The following TJP3 variants were observed in gnomAD, a reference collection of about 807,000 sequenced individuals.
TJP3 encodes the protein tight junction protein ZO-3.
TJP3 carries 85 observed loss-of-function variants against 104.2 expected under a neutral mutation model. The observed-to-expected ratio is 0.82, with a 90% CI of 0.68 to 0.98. TJP3 has a LOEUF of 0.98. TJP3 is among the 50% of genes least tolerant of loss of function. TJP3 has a pLI of 0.00. For missense variants in TJP3, 1,367 were observed against 1,322.8 expected (o/e 1.03, Z -0.52); for synonymous variants, 550 against 550.6 (o/e 1.00, Z 0.02).
At position 3,736,208 on chromosome 19, in the gene TJP3, A is replaced by G. The variant is rs149323251; in HGVS notation, c.1171A>G (p.Ser391Gly). 1.0e-5 allele frequency: 16 copies of G among 1,597,644 alleles called. No individual in the cohort carries two copies. Among genetic ancestry groups the G allele is most frequent in the Non-Finnish European group, 1.4e-5 (16 of 1,172,004 alleles). Residue 391 changes from serine to glycine, a missense_variant, in exon 11 of 21, where the codon AGC becomes GGC. By Grantham distance (56) the Ser-to-Gly change is moderately conservative. Coordinates refer to ENST00000541714, the MANE Select transcript of TJP3 (RefSeq NM_001267560.2). Reference sequence around the variant, plus strand: ...TGTGGTCCGCTTCCTCAAGGGCAAGAGCATCGGGCTGCGGCTGGCAGGGGG... The same window carrying G: ...TGTGGTCCGCTTCCTCAAGGGCAAGGGCATCGGGCTGCGGCTGGCAGGGGG... ...TRVVRFLKGK[S>G]IGLRLAGGND...
At chr19:3,749,735 T>C (rs1599167717) in intron 19 of TJP3, 1 of 227,156 alleles carries the variant, frequency 4.4e-6, no homozygotes, top group East Asian at 1.2e-4. Flanking sequence ...TAGGTCAATG[T>C]AAAAATCTAT....
intron 8 of TJP3, among the ~76,000 whole-genome samples, chr19:3,735,198 T>C (rs540504086): frequency 6.6e-6 from 1 of 152,022 alleles, no homozygotes; most frequent in Admixed American, 6.6e-5. Context: ...ATTTTGTTTA[T>C]TTATTTATTT....
chr19:3,714,716 C>T (rs1156977383), intron 1 of TJP3, among the ~76,000 whole-genome samples: 3 of 152,068 alleles, frequency 2.0e-5, no homozygotes, highest in Non-Finnish European at 2.9e-5. Context: ...ACCATCCTGG[C>T]CCTGATCCAC....
In TJP3 at chr19:3,741,292, C is replaced by T. The variant is rs183720038; in HGVS notation, c.1843+529C>T. ...CTGAGATTACAGGCGTGAGCCACCA[C>T]GCCCGGCCTCTACATCAAATTTAAA... On this transcript the variant is annotated intron_variant, in intron 14 of 20. Coordinates refer to ENST00000541714, the MANE Select transcript of TJP3 (RefSeq NM_001267560.2). Among the ~76,000 whole-genome samples the T allele has an allele frequency of 2.3e-3, 353 of 152,270 alleles. 3 individuals carry two copies. The highest frequency in any genetic ancestry group is 8.2e-3 in the African/African-American group (341 of 41,556).
intron 1 of TJP3, among the ~76,000 whole-genome samples, chr19:3,709,902 C>G (rs2036417890): frequency 6.6e-6 from 1 of 152,084 alleles, no homozygotes; most frequent in Non-Finnish European, 1.5e-5. Flanking sequence ...GTAATCCCAG[C>G]ACTTTGGGAG....
intron 15 of TJP3, 117 bp downstream of exon 15, chr19:3,744,151 C>A: frequency 2.3e-6 from 2 of 872,916 alleles, no homozygotes; most frequent in Admixed American, 2.1e-5. Flanking sequence ...GATGGGCCAC[C>A]AGTGCCCCCC....
chr19:3,739,506 G>T lies in TJP3; in HGVS notation c.1631+372G>T, dbSNP rs141777192. On this transcript the variant is annotated intron_variant, in intron 13 of 20. Transcript: ENST00000541714. ...TCTTGTCTCAATAAATAAATAAATAGGCATGATATCACTGCTTAGCAGTGT... is the reference window on the plus strand; with the variant it reads ...TCTTGTCTCAATAAATAAATAAATATGCATGATATCACTGCTTAGCAGTGT... 2.1e-3 allele frequency among the ~76,000 whole-genome samples: 324 copies of T among 152,228 alleles called. 3 individuals are homozygous for T. The highest frequency in any genetic ancestry group is 3.1e-3 in the Admixed American group (47 of 15,272).
chr19:3,727,601 AG>A (rs2036613998), intron 1 of TJP3, among the ~76,000 whole-genome samples: 1 of 152,104 alleles, frequency 6.6e-6, no homozygotes. Context: ...GCTGCAACTC[AG>A]GCGCTGTTCT....
At chr19:3,738,718 G>T (rs1337738890) in intron 12 of TJP3, 55 bp downstream of exon 12, 3 of 1,495,598 alleles carry the variant, frequency 2.0e-6, no homozygotes, top group Non-Finnish European at 2.8e-6. Context: ...GGACCTGGCT[G>T]TGTGGCCTGG....
At position 3,746,701 on chromosome 19, in the gene TJP3, G is replaced by T; in HGVS notation, c.2221+6G>T. 1 of 1,608,880 alleles carries T rather than the reference G, an allele frequency of 6.2e-7. No individual in the cohort carries two copies. Among genetic ancestry groups the T allele is most frequent in the Non-Finnish European group, 8.5e-7 (1 of 1,177,730 alleles). On this transcript the variant is annotated splice_donor_region_variant and intron_variant, in intron 17 of 20. Transcript: ENST00000541714. The surrounding 1 kb of genome is among the most constrained non-coding windows in gnomAD (Gnocchi z 4.1). ...CAGCAGCCACCTCTTCACAGGTTGG[G>T]GGGTGGGTGTCCCAGGGTAGGCGGG...
Position 3,730,512 on chromosome 19 carries a change from G to T in TJP3, c.419G>T (p.Arg140Leu). 6.3e-7 allele frequency: 1 copy of T among 1,589,874 alleles called. No individual in the cohort carries two copies. The part of the protein sequence containing the change: ...YDGDSSSGSG[R>L]SWDERSRRPR... ...GGCGACTCATCCAGTGGCTCCGGCC[G>T]CTCCTGGGACGAGCGCTCCCGCCGG... The change falls in exon 5 of 21, where the codon CGC (arginine) becomes CTC (leucine). Residue 140 changes from arginine to leucine, a missense_variant. Arg to Leu is a moderately radical substitution (Grantham distance 102). Transcript: ENST00000541714. The surrounding 1 kb of genome is among the most constrained non-coding windows in gnomAD (Gnocchi z 7.3).
chr19:3,747,560 CTT>C (rs1377978552), intron 18 of TJP3, among the ~76,000 whole-genome samples: 1 of 152,196 alleles, frequency 6.6e-6, no homozygotes, highest in Non-Finnish European at 1.5e-5. Flanking sequence ...GGAGTCTTCT[CTT>C]GGGGCTGGAG....
Position 3,738,672 on chromosome 19 carries a change from G to T in TJP3, c.1393+9G>T, listed in dbSNP as rs762221045. ...GCAGAGGAAGCAGGACAGTGAGTGC[G>T]CGTGGATATGGGTGTGCCTGTGTGT... On this transcript the variant is annotated intron_variant, in intron 12 of 20. Coordinates refer to ENST00000541714, the MANE Select transcript of TJP3 (RefSeq NM_001267560.2). 7 of 1,609,110 alleles carry T rather than the reference G, an allele frequency of 4.4e-6. No homozygotes were observed. The Middle Eastern group carries it at 7.4e-4, about 169-fold the overall frequency.
Position 3,747,925 on chromosome 19 carries a change from TGGCGAGGGCTACACAGAC to T in TJP3, c.2463_2480del (p.Tyr822_Gly827del), listed in dbSNP as rs2036923771. 9 of 1,613,200 alleles carry T rather than the reference TGGCGAGGGCTACACAGAC, an allele frequency of 5.6e-6. No homozygotes were observed. Among genetic ancestry groups the T allele is most frequent in the Non-Finnish European group, 7.6e-6 (9 of 1,179,922 alleles). ...ACGGCGAGGGCGGCGCGTACACGGA[TGGCGAGGGCTACACAGAC>T]GGCGAGGGGGGGCCCTACACGGATG... On this transcript the variant is annotated inframe_deletion, in exon 19 of 21. Transcript: ENST00000541714.
chr19:3,744,114 T>A (rs1374481253), intron 15 of TJP3, 80 bp downstream of exon 15: 1 of 1,326,968 alleles, frequency 7.5e-7, no homozygotes, highest in Non-Finnish European at 1.1e-6. Context: ...GGGGGAGAGT[T>A]AGAATAATGA....
At position 3,730,536 on chromosome 19, in the gene TJP3, G is replaced by A. The variant is rs746555136; in HGVS notation, c.443G>A (p.Arg148Gln). 48 of 1,599,258 alleles carry A rather than the reference G, an allele frequency of 3.0e-5. 1 individual carries two copies. The highest frequency in any genetic ancestry group is 2.4e-4 in the Admixed American group (14 of 59,050). ...SGRSWDERSR[R>Q]PRPGRRGRAG... ...CGCTCCTGGGACGAGCGCTCCCGCCGGCCGAGGCCTGGTCGCCGGGGCCGG... is the reference window on the plus strand; with the variant it reads ...CGCTCCTGGGACGAGCGCTCCCGCCAGCCGAGGCCTGGTCGCCGGGGCCGG... The change falls in exon 5 of 21, where the codon CGG becomes CAG. Residue 148 changes from arginine to glutamine, a missense_variant. Transcript: ENST00000541714. This position sits in a 1 kb window ranked among gnomAD's most constrained non-coding sequence, Gnocchi z 7.3.
At chr19:3,718,245 G>C (rs933610124) in intron 1 of TJP3, among the ~76,000 whole-genome samples, 2 of 97,136 alleles carry the variant, frequency 2.1e-5, no homozygotes, top group African/African-American at 8.8e-5. Context: ...GTGTGTGTGT[G>C]TGTGTGTGTG....
chr19:3,727,751 G>T (rs995046471), intron 1 of TJP3, among the ~76,000 whole-genome samples: 1 of 152,118 alleles, frequency 6.6e-6, no homozygotes, highest in East Asian at 1.9e-4. Context: ...AGAAAAATTA[G>T]CCTGGCGTGG....
At chr19:3,725,279 T>TCAAC (rs2036585305) in intron 1 of TJP3, among the ~76,000 whole-genome samples, 1 of 147,150 alleles carries the variant, frequency 6.8e-6, no homozygotes, top group African/African-American at 2.5e-5. Context: ...AAACAACCAA[T>TCAAC]CAACCAACCA....
Sources: gnomAD v4.1 joint callset for allele counts (sites outside exome capture counted in the v4.1 genomes callset) on GRCh38, gnomAD v4.1.1 for gene constraint, Gnocchi (gnomAD v3.1) non-coding constraint, MANE v1.5 for transcripts, NCBI Gene and HGNC (gene_info 2026-07-23, HGNC 2026-07-21) for gene names.